CLMN: variants seen among roughly 807,000 people sequenced by gnomAD.
CLMN encodes the protein calmin, also known as calmin (calponin-like, transmembrane).
A neutral mutation model predicts 92.7 loss-of-function variants in CLMN; 57 were observed. The observed-to-expected ratio is 0.61, with a 90% confidence interval of 0.50 to 0.77. The LOEUF is 0.77. CLMN is among the 30% of genes least tolerant of loss of function. CLMN has a pLI of 0.00. For synonymous variants in CLMN, 466 were observed against 470.6 expected (o/e 0.99, Z 0.13); for missense variants, 1,158 against 1,237.5 (o/e 0.94, Z 0.96).
At chr14:95,276,191 T>C (rs1026450626) in intron 1 of CLMN, among the ~76,000 whole-genome samples, 2 of 152,210 alleles carry the variant, frequency 1.3e-5, no homozygotes, top group African/African-American at 4.8e-5. Context: ...TTGGGTATTT[T>C]ACCCTGGGGA....
intron 1 of CLMN, among the ~76,000 whole-genome samples, chr14:95,243,719 A>ATTTTT (rs35698997): frequency 0.18 from 25,631 of 138,962 alleles, 2,856 homozygotes; most frequent in African/African-American, 0.31. Flanking sequence ...AATCTCCTCT[A>ATTTTT]TTTTTTTTTT....
At chr14:95,197,781 A>C (rs879914584) in intron 9 of CLMN, among the ~76,000 whole-genome samples, 1 of 152,180 alleles carries the variant, frequency 6.6e-6, no homozygotes, top group Non-Finnish European at 1.5e-5. Context: ...AGGGGCTGGA[A>C]GAACCTGTTC....
At chr14:95,275,979 T>C (rs1161728273) in intron 1 of CLMN, among the ~76,000 whole-genome samples, 1 of 152,176 alleles carries the variant, frequency 6.6e-6, no homozygotes, top group African/African-American at 2.4e-5. Context: ...CTTTACTTTC[T>C]TAATAAACTT....
intron 1 of CLMN, among the ~76,000 whole-genome samples, chr14:95,298,812 T>G (rs756867468): frequency 6.6e-6 from 1 of 152,120 alleles, no homozygotes. Flanking sequence ...CATTCCTATA[T>G]TACAGAGGAA....
chr14:95,310,659 G>T (rs546410347), intron 1 of CLMN, among the ~76,000 whole-genome samples: 2 of 152,218 alleles, frequency 1.3e-5, no homozygotes, highest in Non-Finnish European at 2.9e-5. Flanking sequence ...ACTCAGAGGC[G>T]GGCTCAGAGG....
intron 1 of CLMN, among the ~76,000 whole-genome samples, chr14:95,319,447 C>G (rs1280387623): frequency 1.3e-5 from 2 of 152,098 alleles, no homozygotes; most frequent in Admixed American, 6.5e-5. Flanking sequence ...TGGTGACGTC[C>G]CCCTAATGAA....
intron 1 of CLMN, among the ~76,000 whole-genome samples, chr14:95,316,358 C>T (rs1455974506): frequency 2.0e-5 from 3 of 152,266 alleles, no homozygotes; most frequent in Non-Finnish European, 4.4e-5. Flanking sequence ...CCCAGAGGGA[C>T]ATGCCCATGC....
chr14:95,204,388 G>A lies in CLMN; in HGVS notation c.961C>T (p.Gln321Ter). ...FVRIKETPSEQESKVFVLTEN... is the reference protein window; with the variant it reads ...FVRIKETPSE Reference sequence around the variant, plus strand: ...GTCAGAACGAAGACTTTGCTCTCCTGTTCAGAAGGAGTTTCTTTGATGCGA... The same window carrying A: ...GTCAGAACGAAGACTTTGCTCTCCTATTCAGAAGGAGTTTCTTTGATGCGA... Residue 321 changes from glutamine (Q) to a stop codon, truncating the protein, a stop_gained, in exon 9 of 13, where the codon CAG becomes TAG. Coordinates refer to ENST00000298912, the MANE Select transcript of CLMN (RefSeq NM_024734.4). LOFTEE classifies it high-confidence loss of function. 4 of 1,613,742 alleles carry A rather than the reference G, an allele frequency of 2.5e-6. No individual in the cohort carries two copies. Among genetic ancestry groups the A allele is most frequent in the South Asian group, 1.1e-5 (1 of 91,038 alleles).
intron 1 of CLMN, among the ~76,000 whole-genome samples, chr14:95,281,072 T>C (rs755441855): frequency 2.8e-4 from 42 of 152,348 alleles, no homozygotes; most frequent in Non-Finnish European, 4.7e-4. Flanking sequence ...ATAACTAATA[T>C]ATTCATAAAT....
At chr14:95,283,317 G>GA (rs1212289054) in intron 1 of CLMN, among the ~76,000 whole-genome samples, 6 of 152,168 alleles carry the variant, frequency 3.9e-5, no homozygotes, top group Non-Finnish European at 4.4e-5. Flanking sequence ...CAGCCATGTG[G>GA]AACTGTAAGT....
intron 1 of CLMN, among the ~76,000 whole-genome samples, chr14:95,289,934 C>T (rs1900498753): frequency 6.6e-6 from 1 of 152,166 alleles, no homozygotes; most frequent in Non-Finnish European, 1.5e-5. Flanking sequence ...TGTGTGTAAT[C>T]GCCACCTAAG....
At chr14:95,230,240 G>C (rs1325175312) in intron 1 of CLMN, 107 bp from the exon 2 acceptor site, 31 of 1,018,498 alleles carry the variant, frequency 3.0e-5, no homozygotes, top group Non-Finnish European at 4.2e-5. Flanking sequence ...CAGAACCCCA[G>C]GGTGTCCCAT....
At chr14:95,252,545 A>G (rs1163684020) in intron 1 of CLMN, among the ~76,000 whole-genome samples, 1 of 152,148 alleles carries the variant, frequency 6.6e-6, no homozygotes, top group African/African-American at 2.4e-5. Flanking sequence ...TGGGTAATTT[A>G]TGTCACATTT....
chr14:95,196,225 C>T (rs779873659), intron 10 of CLMN, among the ~76,000 whole-genome samples: 1 of 150,804 alleles, frequency 6.6e-6, no homozygotes, highest in Non-Finnish European at 1.5e-5. Flanking sequence ...GTTCAGCCAT[C>T]TGCTGCTCAC....
At chr14:95,271,270 G>C (rs1434355539) in intron 1 of CLMN, among the ~76,000 whole-genome samples, 1 of 152,112 alleles carries the variant, frequency 6.6e-6, no homozygotes, top group Non-Finnish European at 1.5e-5. Flanking sequence ...TTTTACTTTC[G>C]TGATGGTATC....
At chr14:95,240,477 G>C (rs1898207180) in intron 1 of CLMN, among the ~76,000 whole-genome samples, 1 of 152,146 alleles carries the variant, frequency 6.6e-6, no homozygotes, top group South Asian at 2.1e-4. Flanking sequence ...CATGGACCTG[G>C]AGGGGAGACA....
At chr14:95,229,703 C>T (rs1897822047) in intron 2 of CLMN, among the ~76,000 whole-genome samples, 1 of 152,070 alleles carries the variant, frequency 6.6e-6, no homozygotes, top group Non-Finnish European at 1.5e-5. Flanking sequence ...TAGCTTTGCC[C>T]AATACCTACA....
chr14:95,284,403 A>G (rs7150221), intron 1 of CLMN, among the ~76,000 whole-genome samples: 99,203 of 152,068 alleles, frequency 0.65, 33,312 homozygotes, highest in Middle Eastern at 0.79. Flanking sequence ...TAGTGGAGCT[A>G]TAAAAAGAGG....
At chr14:95,281,989 C>T (rs1351280279) in intron 1 of CLMN, among the ~76,000 whole-genome samples, 1 of 152,202 alleles carries the variant, frequency 6.6e-6, no homozygotes, top group Non-Finnish European at 1.5e-5. Flanking sequence ...TTTTCCTCTA[C>T]TGTGGGCCAC....
Sources: allele counts gnomAD v4.1 joint callset (sites outside exome capture counted in the v4.1 genomes callset), GRCh38; gene constraint gnomAD v4.1.1; transcripts MANE v1.5; gene names NCBI Gene and HGNC (gene_info 2026-07-23, HGNC 2026-07-21).